CNST: variants seen among roughly 807,000 people sequenced by gnomAD.
CNST encodes consortin, connexin sorting protein.
CNST carries 39 observed loss-of-function variants against 72.4 expected under a neutral mutation model. That is an observed-to-expected ratio of 0.54 (90% CI 0.42 to 0.70). The LOEUF (loss-of-function observed/expected upper bound fraction) is 0.70. Among genes scored for constraint, CNST ranks in the 30% least tolerant of loss-of-function variants. The probability of loss-of-function intolerance (pLI) is 0.00; values close to 1 mark genes in which losing one functional copy is unlikely to be tolerated. For missense variants in CNST, 871 were observed against 868.5 expected (o/e 1.00, Z -0.04); for synonymous variants, 332 against 320.1 (o/e 1.04, Z -0.40).
intron 1 of CNST, among the ~76,000 whole-genome samples, chr1:246,581,167 G>A (rs1224803433): frequency 6.6e-6 from 1 of 152,170 alleles, no homozygotes; most frequent in Non-Finnish European, 1.5e-5. Flanking sequence ...CATTGCAATT[G>A]TATGCTTTTC....
At chr1:246,585,418 G>T (rs866382448) in intron 1 of CNST, among the ~76,000 whole-genome samples, 23 of 151,952 alleles carry the variant, frequency 1.5e-4, no homozygotes, top group East Asian at 3.9e-4. Context: ...AGGCCGAGGC[G>T]GGCAAATCAC....
chr1:246,602,179 G>T (rs1351125272), intron 2 of CNST, among the ~76,000 whole-genome samples: 2 of 152,122 alleles, frequency 1.3e-5, no homozygotes, highest in Admixed American at 6.6e-5. Flanking sequence ...CAGAGGAAGG[G>T]ATCAACAAAA....
chr1:246,641,993 T>C lies in CNST; in HGVS notation c.893T>C (p.Val298Ala), dbSNP rs773537941. 18 of 1,612,854 alleles carry C rather than the reference T, an allele frequency of 1.1e-5. No homozygotes were observed. Among genetic ancestry groups the C allele is most frequent in the Admixed American group, 6.7e-5 (4 of 59,802 alleles). Residue 298 changes from valine to alanine, a missense_variant, in exon 8 of 11, where the codon GTG (valine) becomes GCG (alanine). By Grantham distance (64) the Val-to-Ala change is moderately conservative. Transcript: ENST00000366513. ...AGGAAATGCTCCACGCAGTTACTAG[T>C]GTCTGAAGATCCAAAGGAAGGAGGA... ...QERKCSTQLL[V>A]SEDPKEGGAT...
intron 10 of CNST, among the ~76,000 whole-genome samples, chr1:246,665,429 T>A (rs906299278): frequency 6.6e-6 from 1 of 152,222 alleles, no homozygotes; most frequent in Non-Finnish European, 1.5e-5. Context: ...ACGTGAGCTG[T>A]TTTTCTTCTT....
At chr1:246,642,421 C>G (rs1665776147) in intron 8 of CNST, among the ~76,000 whole-genome samples, 1 of 152,010 alleles carries the variant, frequency 6.6e-6, no homozygotes, top group Admixed American at 6.5e-5. Context: ...ATTGTATACA[C>G]TTTACCAGAA....
At chr1:246,584,400 A>G (rs1323588927) in intron 1 of CNST, among the ~76,000 whole-genome samples, 2 of 152,208 alleles carry the variant, frequency 1.3e-5, no homozygotes, top group African/African-American at 4.8e-5. Context: ...AGATGTCCAC[A>G]TAAAGTGGGA....
At position 246,647,281 on chromosome 1, in the gene CNST, G is replaced by A. The variant is rs767951139; in HGVS notation, c.1080G>A (p.Met360Ile). The change falls in exon 9 of 11, where the codon ATG (methionine) becomes ATA (isoleucine). Residue 360 changes from methionine to isoleucine, a missense_variant. By Grantham distance (10) the Met-to-Ile change is conservative. Coordinates refer to ENST00000366513, the MANE Select transcript of CNST (RefSeq NM_152609.3). Reference protein sequence around the residue: ...SLSVTAGKDHMEELLCSAEAT... With the variant: ...SLSVTAGKDHIEELLCSAEAT... ...CGGTAACTGCAGGAAAGGACCACATGGAGGAGCTGCTCTGCAGCGCTGAAG... is the reference window on the plus strand; with the variant it reads ...CGGTAACTGCAGGAAAGGACCACATAGAGGAGCTGCTCTGCAGCGCTGAAG... 1 of 1,614,128 alleles carries A rather than the reference G, an allele frequency of 6.2e-7. No homozygotes were observed. The highest frequency in any genetic ancestry group is 1.1e-5 in the South Asian group (1 of 91,076).
At chr1:246,636,461 T>C (rs564566002) in intron 6 of CNST, among the ~76,000 whole-genome samples, 3 of 152,238 alleles carry the variant, frequency 2.0e-5, no homozygotes, top group Non-Finnish European at 4.4e-5. Context: ...TTGGACACAT[T>C]CGTGGTAAGC....
intron 9 of CNST, among the ~76,000 whole-genome samples, chr1:246,654,767 A>G (rs1258373524): frequency 1.3e-5 from 2 of 152,136 alleles, no homozygotes; most frequent in Non-Finnish European, 2.9e-5. Context: ...TGAAAAAGCT[A>G]CATTACTCAA....
At chr1:246,633,202 C>T (rs1664888688) in intron 4 of CNST, among the ~76,000 whole-genome samples, 1 of 152,168 alleles carries the variant, frequency 6.6e-6, no homozygotes, top group Admixed American at 6.5e-5. Flanking sequence ...GTAATCCCAG[C>T]AATTTGGGAG....
intron 2 of CNST, among the ~76,000 whole-genome samples, chr1:246,600,163 A>C (rs1450030159): frequency 6.6e-6 from 1 of 152,230 alleles, no homozygotes; most frequent in Non-Finnish European, 1.5e-5. Flanking sequence ...AGAGCTCACA[A>C]GACAAGAAGA....
Position 246,660,205 on chromosome 1 carries a change from C to G in CNST, c.1843C>G (p.Pro615Ala), listed in dbSNP as rs1667014000. 6.2e-7 allele frequency: 1 copy of G among 1,606,256 alleles called. No homozygotes were observed. The highest frequency in any genetic ancestry group is 1.3e-5 in the African/African-American group (1 of 74,542). ...TTCTTATAATTTCTGACAGGTTGTT[C>G]CTACTGAAGGATTGGTCTCCATATT... Reference protein sequence around the residue: ...AKRIEIAEVVPTEGLVSILKK... With the variant: ...AKRIEIAEVVATEGLVSILKK... The change falls in exon 10 of 11, where the codon CCT becomes GCT. Residue 615 changes from proline (P) to alanine (A), a missense_variant. Transcript: ENST00000366513.
chr1:246,634,210 A>G (rs1319704696), intron 5 of CNST, 200 bp downstream of exon 5: 4 of 561,370 alleles, frequency 7.1e-6, no homozygotes, highest in Non-Finnish European at 1.2e-5. Context: ...TTTGCTCTTC[A>G]TATCAATGCC....
intron 1 of CNST, among the ~76,000 whole-genome samples, chr1:246,569,446 T>G (rs1467738144): frequency 6.6e-6 from 1 of 152,232 alleles, no homozygotes; most frequent in Non-Finnish European, 1.5e-5. Flanking sequence ...ATTTTTAAGC[T>G]GTCTTCCTAC....
intron 9 of CNST, among the ~76,000 whole-genome samples, chr1:246,655,829 G>A (rs1666741659): frequency 6.6e-6 from 1 of 152,158 alleles, no homozygotes; most frequent in Non-Finnish European, 1.5e-5. Context: ...TCTGCAAAAT[G>A]GGGCTGATAA....
intron 3 of CNST, among the ~76,000 whole-genome samples, chr1:246,623,945 C>T (rs1315093907): frequency 6.6e-6 from 1 of 150,932 alleles, no homozygotes; most frequent in Non-Finnish European, 1.5e-5. Flanking sequence ...CGCCTGTAAT[C>T]CCAGCTACTC....
At chr1:246,623,636 C>T (rs140554224) in intron 3 of CNST, among the ~76,000 whole-genome samples, 1 of 152,198 alleles carries the variant, frequency 6.6e-6, no homozygotes, top group African/African-American at 2.4e-5. Flanking sequence ...GTGGCACGCG[C>T]CTGTAGTCCC....
chr1:246,570,962 G>C (rs1456824345), intron 1 of CNST, among the ~76,000 whole-genome samples: 1 of 152,052 alleles, frequency 6.6e-6, no homozygotes, highest in Non-Finnish European at 1.5e-5. Flanking sequence ...TTCCAGTTTA[G>C]GGCCTTCAAG....
intron 1 of CNST, among the ~76,000 whole-genome samples, chr1:246,580,475 T>C (rs1660709242): frequency 6.6e-6 from 1 of 152,130 alleles, no homozygotes. Context: ...GTAAGAACAG[T>C]TATGAAATTG....
Sources: gnomAD v4.1 joint callset for allele counts (sites outside exome capture counted in the v4.1 genomes callset) on GRCh38, gnomAD v4.1.1 for gene constraint, MANE v1.5 for transcripts, NCBI Gene and HGNC (gene_info 2026-07-23, HGNC 2026-07-21) for gene names.